Variants in CACNA1D observed in about 807,000 individuals in gnomAD.
CACNA1D encodes voltage-dependent L-type calcium channel subunit alpha-1D.
A neutral mutation model predicts 257.1 loss-of-function variants in CACNA1D; 55 were observed. The observed-to-expected ratio is 0.21, with a 90% CI of 0.17 to 0.27. The LOEUF is 0.27. CACNA1D is among the 10% of genes least tolerant of loss of function. The pLI is 1.00. For synonymous variants in CACNA1D, 980 were observed against 1,014.9 expected (o/e 0.97, Z 0.65); for missense variants, 1,876 against 2,784.0 (o/e 0.67, Z 7.34).
At chr3:53,581,050 G>A (rs981241620) in intron 3 of CACNA1D, among the ~76,000 whole-genome samples, 9 of 152,298 alleles carry the variant, frequency 5.9e-5, no homozygotes, top group Middle Eastern at 3.4e-3. Context: ...ATCCTGTCTC[G>A]CCCAGTCAGA....
In CACNA1D at chr3:53,770,139, TG is replaced by T; in HGVS notation, c.3915+124del. 3.4e-6 allele frequency: 3 copies of T among 878,890 alleles called. No individual in the cohort carries two copies. In the Admixed American group the frequency reaches 5.3e-5, roughly 16 times the overall value. The allele number at this position is 878,890 out of a possible 1,614,324, so 54.4% of individuals were successfully genotyped here. A position where few individuals can be genotyped will look rare whatever the true frequency, so the allele number is the denominator to read the frequency against. On this transcript the variant is annotated intron_variant, in intron 31 of 47. Transcript: ENST00000350061. Reference sequence around the variant, plus strand: ...TGTCCTTCCAGAACAGTGTCTGCAGTGGTTTGCATTCATCATCAGTGTCCAG... The same window carrying T: ...TGTCCTTCCAGAACAGTGTCTGCAGTGTTTGCATTCATCATCAGTGTCCAG...
At chr3:53,717,018 G>C (rs1022767274) in intron 9 of CACNA1D, among the ~76,000 whole-genome samples, 2 of 152,134 alleles carry the variant, frequency 1.3e-5, no homozygotes, top group African/African-American at 4.8e-5. Flanking sequence ...CAGAATCTTC[G>C]CCATAGCGCT....
At chr3:53,663,906 C>T (rs1336551048) in intron 5 of CACNA1D, among the ~76,000 whole-genome samples, 3 of 152,032 alleles carry the variant, frequency 2.0e-5, no homozygotes, top group Non-Finnish European at 2.9e-5. Flanking sequence ...GCTGGGACTA[C>T]AGGCGCACAC....
At chr3:53,688,059 G>A (rs538094975) in intron 8 of CACNA1D, among the ~76,000 whole-genome samples, 1 of 152,186 alleles carries the variant, frequency 6.6e-6, no homozygotes, top group Non-Finnish European at 1.5e-5. Flanking sequence ...TCACCATATG[G>A]CCAAGCAATT....
At chr3:53,745,989 G>A in intron 25 of CACNA1D, 114 bp downstream of exon 25, 1 of 793,060 alleles carries the variant, frequency 1.3e-6, no homozygotes, top group Non-Finnish European at 2.2e-6. Context: ...AGGCCTGTGT[G>A]CTCAGCTTGT....
intron 8 of CACNA1D, among the ~76,000 whole-genome samples, chr3:53,676,397 T>G (rs1325489439): frequency 1.3e-5 from 2 of 152,168 alleles, no homozygotes; most frequent in African/African-American, 4.8e-5. Context: ...CTCAAGAGTC[T>G]TCATAATTTT....
chr3:53,749,589 A>T, intron 27 of CACNA1D, 120 bp downstream of exon 27: 1 of 752,542 alleles, frequency 1.3e-6, no homozygotes. Flanking sequence ...CCCTGGGGCT[A>T]GGGCCCTGTT....
At chr3:53,583,588 T>TGGGCC (rs1305746839) in intron 3 of CACNA1D, among the ~76,000 whole-genome samples, 1 of 152,180 alleles carries the variant, frequency 6.6e-6, no homozygotes, top group African/African-American at 2.4e-5. Flanking sequence ...TTAGGCAGTA[T>TGGGCC]AAGGACTCCT....
Position 53,751,572 on chromosome 3 carries a change from C to T in CACNA1D, c.3517-177C>T, listed in dbSNP as rs1209658487. Among the ~76,000 whole-genome samples, 1 of 152,178 alleles carries T rather than the reference C, an allele frequency of 6.6e-6. No homozygotes were observed. Among genetic ancestry groups the T allele is most frequent in the African/African-American group, 2.4e-5 (1 of 41,450 alleles). ...GCGAAGGTAATGGAGGCAGGGCCCT[C>T]GGTGACTCAAGAGTGGTGCCAGCAG... On this transcript the variant is annotated intron_variant, in intron 27 of 47. Transcript: ENST00000350061. The surrounding 1 kb of genome is among the most constrained non-coding windows in gnomAD (Gnocchi z 4.3).
chr3:53,660,889 C>T (rs1286150750), intron 5 of CACNA1D, among the ~76,000 whole-genome samples: 1 of 152,176 alleles, frequency 6.6e-6, no homozygotes, highest in Non-Finnish European at 1.5e-5. Flanking sequence ...AACAGGATGT[C>T]TGGAGCACAG....
intron 3 of CACNA1D, among the ~76,000 whole-genome samples, chr3:53,634,451 T>G (rs1014089739): frequency 1.3e-5 from 2 of 152,196 alleles, no homozygotes; most frequent in African/African-American, 4.8e-5. Flanking sequence ...TTTATGTATA[T>G]GGTTTTGCTG....
intron 34 of CACNA1D, among the ~76,000 whole-genome samples, chr3:53,775,349 G>A (rs978516581): frequency 1.3e-5 from 2 of 152,168 alleles, no homozygotes; most frequent in African/African-American, 2.4e-5. Context: ...AGCTGAGGTG[G>A]GTGGATCGCT....
chr3:53,701,685 A>G (rs564167187), intron 8 of CACNA1D, among the ~76,000 whole-genome samples: 106 of 152,364 alleles, frequency 7.0e-4, no homozygotes, highest in African/African-American at 2.5e-3. Context: ...CTTGGCTCCT[A>G]TAACAACTCA....
At chr3:53,508,962 C>G (rs2090986160) in intron 3 of CACNA1D, among the ~76,000 whole-genome samples, 2 of 152,104 alleles carry the variant, frequency 1.3e-5, no homozygotes, top group African/African-American at 4.8e-5. Context: ...GGTGTCCCTG[C>G]CCCAGCAAGG....
chr3:53,755,267 G>A (rs1433759910), intron 29 of CACNA1D, among the ~76,000 whole-genome samples: 1 of 152,184 alleles, frequency 6.6e-6, no homozygotes, highest in Non-Finnish European at 1.5e-5. Flanking sequence ...AAGCTCTGAA[G>A]TTTTTGAAAG....
intron 3 of CACNA1D, among the ~76,000 whole-genome samples, chr3:53,513,364 G>A (rs1180789636): frequency 6.6e-6 from 1 of 152,210 alleles, no homozygotes; most frequent in Non-Finnish European, 1.5e-5. Context: ...AAATTTGGTA[G>A]CCAGGCGTGC....
intron 3 of CACNA1D, among the ~76,000 whole-genome samples, chr3:53,589,552 G>A (rs1037736948): frequency 8.5e-5 from 13 of 152,080 alleles, no homozygotes; most frequent in African/African-American, 2.2e-4. Flanking sequence ...TGATCTTCCC[G>A]CCACCCAGAT....
chr3:53,581,300 A>G (rs1032817449), intron 3 of CACNA1D, among the ~76,000 whole-genome samples: 2 of 152,182 alleles, frequency 1.3e-5, no homozygotes, highest in African/African-American at 4.8e-5. Flanking sequence ...AAAGAAATAC[A>G]TTGTTAATGT....
chr3:53,672,773 T>C (rs1046422969), intron 7 of CACNA1D, among the ~76,000 whole-genome samples: 3 of 103,698 alleles, frequency 2.9e-5, no homozygotes, highest in African/African-American at 1.2e-4. Context: ...TGTGTGTGTG[T>C]GTGTGTGTGT....
Sources: allele counts gnomAD v4.1 joint callset (sites outside exome capture counted in the v4.1 genomes callset), GRCh38; gene constraint gnomAD v4.1.1; non-coding constraint Gnocchi (gnomAD v3.1); transcripts MANE v1.5; gene names NCBI Gene and HGNC (gene_info 2026-07-23, HGNC 2026-07-21).